UBE2QL1: variants seen among roughly 807,000 people sequenced by gnomAD.
The protein encoded by UBE2QL1 is ubiquitin-conjugating enzyme E2Q-like protein 1.
A neutral mutation model predicts 12.6 loss-of-function variants in UBE2QL1; 5 were observed. The observed-to-expected ratio is 0.40, with a 90% CI of 0.21 to 0.83. The LOEUF is 0.83. Ranked by LOEUF, UBE2QL1 falls within the 40% of genes least tolerant of loss-of-function variation. UBE2QL1 has a pLI of 0.37. For synonymous variants in UBE2QL1, 96 were observed against 94.5 expected (o/e 1.02, Z -0.10); for missense variants, 99 against 222.6 (o/e 0.44, Z 3.53).
chr5:6,489,981 C>G (rs1376680377), intron 1 of UBE2QL1, among the ~76,000 whole-genome samples: 1 of 152,200 alleles, frequency 6.6e-6, no homozygotes, highest in Non-Finnish European at 1.5e-5. Context: ...CGCGAAGGTT[C>G]CTGAACAGCA....
intron 1 of UBE2QL1, among the ~76,000 whole-genome samples, chr5:6,488,454 C>T (rs1047302083): frequency 1.2e-4 from 14 of 113,612 alleles, no homozygotes; most frequent in African/African-American, 6.0e-4. Flanking sequence ...TATGCATTTT[C>T]GCCAAAAAAA....
At chr5:6,480,617 GA>G (rs1734339663) in intron 1 of UBE2QL1, among the ~76,000 whole-genome samples, 1 of 152,140 alleles carries the variant, frequency 6.6e-6, no homozygotes, top group Non-Finnish European at 1.5e-5. Context: ...CTTCCTCCAA[GA>G]AAGTACCATC....
In UBE2QL1 at chr5:6,494,587, C is replaced by T. The variant is rs368993512; in HGVS notation, c.*3238C>T. Reference sequence around the variant, plus strand: ...TCAGTGTGGGAATTGGCCAAAATGACGCAGCAGAAGTGCTTTGGAGACTAA... The same window carrying T: ...TCAGTGTGGGAATTGGCCAAAATGATGCAGCAGAAGTGCTTTGGAGACTAA... On this transcript the variant is annotated 3_prime_UTR_variant, in exon 2 of 2. Transcript: ENST00000399816. 4.6e-5 allele frequency: 7 copies of T among 152,270 alleles called. No homozygotes were observed. The highest frequency in any genetic ancestry group is 7.2e-5 in the African/African-American group (3 of 41,564). The allele number at this position is 152,270 out of a possible 1,614,324, so 9.4% of individuals were successfully genotyped here.
chr5:6,470,991 C>T (rs1337430250), intron 1 of UBE2QL1, among the ~76,000 whole-genome samples: 1 of 152,214 alleles, frequency 6.6e-6, no homozygotes. Context: ...ACTTCCCGAT[C>T]TCACTGGCAT....
intron 1 of UBE2QL1, 33 bp downstream of exon 1, chr5:6,449,280 G>C: frequency 7.4e-7 from 1 of 1,352,436 alleles, no homozygotes; most frequent in South Asian, 1.8e-5. Flanking sequence ...GGGGGCGCGG[G>C]GCCGAGATCG....
Position 6,479,530 on chromosome 5 carries a change from G to T in UBE2QL1, c.355-11688G>T, listed in dbSNP as rs1734316269. 1.3e-5 allele frequency among the ~76,000 whole-genome samples: 2 copies of T among 152,180 alleles called. No individual in the cohort carries two copies. Among genetic ancestry groups the T allele is most frequent in the African/African-American group, 4.8e-5 (2 of 41,450 alleles). ...GGAGTAAAATGTTGAAGCAAATGAA[G>T]AGGTGCTGATGTCTGTATCCTCCGG... On this transcript the variant is annotated intron_variant, in intron 1 of 1. Coordinates refer to ENST00000399816, the MANE Select transcript of UBE2QL1 (RefSeq NM_001145161.3). The surrounding 1 kb of genome is among the most constrained non-coding windows in gnomAD (Gnocchi z 4.2).
chr5:6,470,103 TG>T lies in UBE2QL1; in HGVS notation c.354+20858del, dbSNP rs200191606. On this transcript the variant is annotated intron_variant, in intron 1 of 1. Transcript: ENST00000399816. The stretch of plus-strand genomic sequence containing the variant: ...AACGCAGAGCTCCTCTAAAGGCTCA[TG>T]GTTATTTAGAGAGCAGAACATGGTG... Among the ~76,000 whole-genome samples the T allele has an allele frequency of 9.8e-5, 15 of 152,314 alleles. No homozygotes were observed. The East Asian group carries it at 1.5e-3, about 16-fold the overall frequency.
At chr5:6,488,066 G>T (rs1734498172) in intron 1 of UBE2QL1, among the ~76,000 whole-genome samples, 1 of 152,216 alleles carries the variant, frequency 6.6e-6, no homozygotes, top group Non-Finnish European at 1.5e-5. Flanking sequence ...GTAAACGTGG[G>T]TGTAAGAGAC....
chr5:6,491,444 A>G lies in UBE2QL1; in HGVS notation c.*95A>G. 1 of 1,420,886 alleles carries G rather than the reference A, an allele frequency of 7.0e-7. No individual in the cohort carries two copies. The highest frequency in any genetic ancestry group is 9.2e-7 in the Non-Finnish European group (1 of 1,081,806). The allele number at this position is 1,420,886 out of a possible 1,614,324, so 88.0% of individuals were successfully genotyped here. ...TGCTGTGCATCCTCCACCCGTTTTT[A>G]CTCCAGCCAGAACTGCATCCTGAAT... On this transcript the variant is annotated 3_prime_UTR_variant, in exon 2 of 2. Coordinates refer to ENST00000399816, the MANE Select transcript of UBE2QL1 (RefSeq NM_001145161.3).
In UBE2QL1 at chr5:6,496,170, C is replaced by T. The variant is rs2126384243; in HGVS notation, c.*4821C>T. Among the ~76,000 whole-genome samples, 1 of 152,152 alleles carries T rather than the reference C, an allele frequency of 6.6e-6. No homozygotes were observed. The highest frequency in any genetic ancestry group is 1.9e-4 in the East Asian group (1 of 5,182). ...AGGGATAAAGAGATCCCTGCACTGC[C>T]CCCAACCGCCAATTCACCCTGTGTC... On this transcript the variant is annotated 3_prime_UTR_variant, in exon 2 of 2. Transcript: ENST00000399816.
chr5:6,486,326 G>GCACA (rs376249394), intron 1 of UBE2QL1, among the ~76,000 whole-genome samples: 2 of 148,926 alleles, frequency 1.3e-5, no homozygotes, highest in Non-Finnish European at 3.0e-5. Flanking sequence ...ACACACACAA[G>GCACA]CACACACACA....
chr5:6,464,284 T>C (rs920132820), intron 1 of UBE2QL1, among the ~76,000 whole-genome samples: 1 of 152,180 alleles, frequency 6.6e-6, no homozygotes, highest in African/African-American at 2.4e-5. Context: ...AATACATGAG[T>C]GTTTTAGGTC....
At chr5:6,488,536 C>T (rs769704033) in intron 1 of UBE2QL1, among the ~76,000 whole-genome samples, 4 of 144,748 alleles carry the variant, frequency 2.8e-5, no homozygotes, top group African/African-American at 8.6e-5. Context: ...CACTGGCTAA[C>T]GCCTATAATC....
At chr5:6,470,396 T>C (rs1457294637) in intron 1 of UBE2QL1, among the ~76,000 whole-genome samples, 1 of 152,180 alleles carries the variant, frequency 6.6e-6, no homozygotes, top group East Asian at 1.9e-4. Flanking sequence ...GTAAAACTCT[T>C]AAGAATTTTT....
chr5:6,489,709 T>C (rs1321234983), intron 1 of UBE2QL1, among the ~76,000 whole-genome samples: 1 of 152,256 alleles, frequency 6.6e-6, no homozygotes, highest in East Asian at 1.9e-4. Context: ...TTAGAGGCCA[T>C]TGCAGCTGCC....
chr5:6,477,773 G>T (rs1354571640), intron 1 of UBE2QL1, among the ~76,000 whole-genome samples: 2 of 152,216 alleles, frequency 1.3e-5, no homozygotes, highest in Non-Finnish European at 2.9e-5. Context: ...GACCAAGTGG[G>T]CTGTTGACCA....
In UBE2QL1 at chr5:6,494,906, A is replaced by G. The variant is rs935867902; in HGVS notation, c.*3557A>G. ...GGTACAGCCCCTTCCCTGGATAGGA[A>G]CTCAAAAGATAGGAATAGCGCACAG... On this transcript the variant is annotated 3_prime_UTR_variant, in exon 2 of 2. Coordinates refer to ENST00000399816, the MANE Select transcript of UBE2QL1 (RefSeq NM_001145161.3). 1.3e-5 allele frequency: 2 copies of G among 152,242 alleles called. No homozygotes were observed. Among genetic ancestry groups the G allele is most frequent in the Non-Finnish European group, 2.9e-5 (2 of 68,060 alleles). The allele number at this position is 152,242 out of a possible 1,614,324, so 9.4% of individuals were successfully genotyped here.
At chr5:6,452,827 G>A (rs1036393487) in intron 1 of UBE2QL1, among the ~76,000 whole-genome samples, 8 of 152,192 alleles carry the variant, frequency 5.3e-5, no homozygotes, top group Non-Finnish European at 7.3e-5. Flanking sequence ...GGCGTGACTG[G>A]CCAGGGACCT....
At chr5:6,482,396 G>A (rs906532747) in intron 1 of UBE2QL1, among the ~76,000 whole-genome samples, 3 of 152,070 alleles carry the variant, frequency 2.0e-5, no homozygotes, top group Non-Finnish European at 4.4e-5. Context: ...TCTGACTCCC[G>A]GAAGCCTCAG....
Sources: allele counts gnomAD v4.1 joint callset (sites outside exome capture counted in the v4.1 genomes callset), GRCh38; gene constraint gnomAD v4.1.1; non-coding constraint Gnocchi (gnomAD v3.1); transcripts MANE v1.5; gene names NCBI Gene and HGNC (gene_info 2026-07-23, HGNC 2026-07-21).